The following PCDH7 variants were observed in gnomAD, a reference collection of about 807,000 sequenced individuals.
The protein encoded by PCDH7 is protocadherin 7.
PCDH7 carries 17 observed loss-of-function variants against 58.9 expected under a neutral mutation model. That is an observed-to-expected ratio of 0.29 (90% CI 0.20 to 0.43). The LOEUF is 0.43. Ranked by LOEUF, PCDH7 falls within the 20% of genes least tolerant of loss-of-function variation. The pLI is 1.00. For synonymous variants in PCDH7, 664 were observed against 616.4 expected, an observed-to-expected ratio of 1.08 and a Z score of -1.14; for missense variants, 1,274 against 1,441.0, an observed-to-expected ratio of 0.88 and a Z score of 1.88.
intron 1 of PCDH7, among the ~76,000 whole-genome samples, chr4:30,853,950 T>C (rs1359145330): frequency 6.6e-6 from 1 of 152,034 alleles, no homozygotes; most frequent in African/African-American, 2.4e-5. Context: ...GCAGCCCTGC[T>C]GTGTGGCAAT....
At position 31,012,384 on chromosome 4, in the gene PCDH7, A is replaced by T. The variant is rs187733424; in HGVS notation, c.*7+62169A>T. ...ACTACTAAATATAGAAGATGTCTCAATTTTCATTACAAACTGCCCCCTTCT... is the reference window on the plus strand; with the variant it reads ...ACTACTAAATATAGAAGATGTCTCATTTTTCATTACAAACTGCCCCCTTCT... On this transcript the variant is annotated intron_variant, in intron 3 of 3. Coordinates refer to the PCDH7 transcript ENST00000509759. Among the ~76,000 whole-genome samples the T allele has an allele frequency of 2.3e-3, 317 of 139,524 alleles. 49 individuals carry two copies. The South Asian group carries it at 0.048, about 21-fold the overall frequency. 91.5% of individuals were successfully genotyped at this position (139,524 alleles called of 152,430 possible).
At position 30,723,180 on chromosome 4, in the gene PCDH7, C is replaced by A. The variant is rs929671350; in HGVS notation, c.1758C>A (p.Pro586=). The stretch of plus-strand genomic sequence containing the variant: ...TGATGGGGATCTTTGCCATCGATCC[C>A]GATTCTGGGGACATCCTGGTCAATA... Residue 586 remains proline, a synonymous_variant, in exon 1 of 2, where the codon CCC becomes CCA. Coordinates refer to ENST00000361762, the Ensembl canonical transcript of PCDH7. This position sits in a 1 kb window ranked among gnomAD's most constrained non-coding sequence, Gnocchi z 4.6. 8 of 1,614,064 alleles carry A rather than the reference C, an allele frequency of 5.0e-6. No individual in the cohort carries two copies. Among genetic ancestry groups the A allele is most frequent in the Middle Eastern group, 1.6e-4 (1 of 6,062 alleles).
intron 1 of PCDH7, chr4:30,725,013 G>A (rs983650410): frequency 1.5e-5 from 15 of 1,010,478 alleles, no homozygotes; most frequent in Admixed American, 5.8e-5. Flanking sequence ...GTTACTACTG[G>A]TGTCTATGCA....
At chr4:30,745,749 A>G (rs1314539221) in intron 1 of PCDH7, among the ~76,000 whole-genome samples, 1 of 151,754 alleles carries the variant, frequency 6.6e-6, no homozygotes, top group Non-Finnish European at 1.5e-5. Context: ...ATCATCCAGG[A>G]TCAAATTACT....
intron 3 of PCDH7, among the ~76,000 whole-genome samples, chr4:31,128,022 T>C (rs1220739472): frequency 6.6e-6 from 1 of 151,466 alleles, no homozygotes; most frequent in Admixed American, 6.6e-5. Flanking sequence ...CATGTGTATA[T>C]ATATACATAT....
At chr4:31,064,754 A>C (rs1757948677) in intron 3 of PCDH7, among the ~76,000 whole-genome samples, 1 of 151,878 alleles carries the variant, frequency 6.6e-6, no homozygotes. Flanking sequence ...AATTTAGCTA[A>C]TTACCTCAGC....
At chr4:31,136,188 C>G (rs1399999577) in intron 3 of PCDH7, among the ~76,000 whole-genome samples, 1 of 152,130 alleles carries the variant, frequency 6.6e-6, no homozygotes, top group Non-Finnish European at 1.5e-5. Flanking sequence ...AAATCTCTAC[C>G]TCCTTAAATC....
Position 30,722,578 on chromosome 4 carries a change from A to C in PCDH7, c.1156A>C (p.Met386Leu). The C allele has an allele frequency of 2.5e-6, 4 of 1,612,890 alleles. No individual in the cohort carries two copies. The South Asian group carries it at 4.4e-5, about 18-fold the overall frequency. Residue 386 changes from methionine (M) to leucine (L), a missense_variant, in exon 1 of 2, where the codon ATG becomes CTG. Met to Leu is a conservative substitution (Grantham distance 15, BLOSUM62 2). This residue lies in a region of PCDH7 where 731 missense variants were observed against 881.9 expected (regional missense o/e 0.83). Transcript: ENST00000361762. This position sits in a 1 kb window ranked among gnomAD's most constrained non-coding sequence, Gnocchi z 7.6. Reference sequence around the variant, plus strand: ...GGTGAACCAGCTGCGCTTCACGGTCATGGCCCGCGACCGCGGGCAGCCCCC... The same window carrying C: ...GGTGAACCAGCTGCGCTTCACGGTCCTGGCCCGCGACCGCGGGCAGCCCCC...
chr4:31,110,151 T>G (rs1368413430), intron 3 of PCDH7, among the ~76,000 whole-genome samples: 1 of 152,240 alleles, frequency 6.6e-6, no homozygotes, highest in African/African-American at 2.4e-5. Flanking sequence ...ATACTATTTT[T>G]AGCCCAGTTT....
chr4:30,885,835 G>T (rs1269174095), intron 1 of PCDH7, among the ~76,000 whole-genome samples: 4 of 152,138 alleles, frequency 2.6e-5, no homozygotes, highest in Non-Finnish European at 5.9e-5. Flanking sequence ...ACAACTATCT[G>T]ATCTTTGACA....
intron 3 of PCDH7, among the ~76,000 whole-genome samples, chr4:31,055,586 T>A (rs942717935): frequency 2.0e-5 from 3 of 152,066 alleles, no homozygotes; most frequent in African/African-American, 7.2e-5. Flanking sequence ...TTTTTTTGTT[T>A]TTTTGTTTTT....
chr4:30,738,111 A>G lies in PCDH7; in HGVS notation c.70+13515A>G, dbSNP rs145833951. Among the ~76,000 whole-genome samples the G allele has an allele frequency of 4.7e-3, 714 of 152,280 alleles. 6 individuals carry two copies. Among genetic ancestry groups the G allele is most frequent in the African/African-American group, 0.016 (676 of 41,552 alleles). On this transcript the variant is annotated intron_variant, in intron 1 of 3. Coordinates refer to the PCDH7 transcript ENST00000509759. Reference sequence around the variant, plus strand: ...TTTATAAGAACACTGGTCCTATCAGATTAGAGCCCTAACTTTAGTACCCCA... The same window carrying G: ...TTTATAAGAACACTGGTCCTATCAGGTTAGAGCCCTAACTTTAGTACCCCA...
intron 3 of PCDH7, among the ~76,000 whole-genome samples, chr4:31,063,076 AATG>A (rs1312619064): frequency 3.3e-5 from 5 of 151,838 alleles, no homozygotes; most frequent in Non-Finnish European, 7.4e-5. Context: ...TGAAGTGTAA[AATG>A]ATGTTTTAAC....
intron 3 of PCDH7, among the ~76,000 whole-genome samples, chr4:31,084,971 C>T (rs997058963): frequency 6.6e-6 from 1 of 152,140 alleles, no homozygotes; most frequent in Admixed American, 6.5e-5. Flanking sequence ...AAGGGGTTCA[C>T]CTTGCCCGCT....
intron 1 of PCDH7, among the ~76,000 whole-genome samples, chr4:30,878,304 G>C (rs911613355): frequency 3.3e-5 from 5 of 152,112 alleles, no homozygotes; most frequent in African/African-American, 1.2e-4. Flanking sequence ...TTGGAAGCAT[G>C]ATCCGATTTT....
At chr4:31,108,369 TAAAAAAAAAAAAAAAAAAAAAAAAAAA>T (rs71190491) in intron 3 of PCDH7, among the ~76,000 whole-genome samples, 1 of 60,094 alleles carries the variant, frequency 1.7e-5, no homozygotes, top group East Asian at 5.1e-4. Flanking sequence ...CAGCATACAG[TAAAAAAAAAAAAAAAAAAAAAAAAAAA>T]AAAAAAAAAA....
rs975572035 is a variant in PCDH7 at position 31,020,244 on chromosome 4, T to C, written c.*7+70029T>C. Among the ~76,000 whole-genome samples the C allele has an allele frequency of 6.2e-4, 94 of 152,316 alleles. 1 individual carries two copies. The highest frequency in any genetic ancestry group is 2.2e-3 in the African/African-American group (92 of 41,578). On this transcript the variant is annotated intron_variant, in intron 3 of 3. Coordinates refer to the PCDH7 transcript ENST00000509759. ...ACAGGTCAGAATGAATGGAATCTCTTAGTGAGAATTCTATCATGCAGTGAC... is the reference window on the plus strand; with the variant it reads ...ACAGGTCAGAATGAATGGAATCTCTCAGTGAGAATTCTATCATGCAGTGAC...
At position 30,721,471 on chromosome 4, in the gene PCDH7, T is replaced by G. The variant is rs1713524858; in HGVS notation, c.49T>G (p.Cys17Gly). The G allele has an allele frequency of 6.3e-7, 1 of 1,578,814 alleles. No individual in the cohort carries two copies. Among genetic ancestry groups the G allele is most frequent in the Non-Finnish European group, 8.6e-7 (1 of 1,168,070 alleles). ...ATGGGCGCGCGGCTGGTGCTTGGGC[T>G]GCTGCCTCCTCCTGCCGCTCTCGCT... Residue 17 changes from cysteine (C) to glycine (G), a missense_variant, in exon 1 of 2, where the codon TGC (cysteine) becomes GGC (glycine). Physicochemically the swap from Cys to Gly is radical, Grantham distance 159. This residue lies in a region of PCDH7 where 212 missense variants were observed against 255.8 expected (regional missense o/e 0.83). Transcript: ENST00000361762. The surrounding 1 kb of genome is among the most constrained non-coding windows in gnomAD (Gnocchi z 6.7).
intron 3 of PCDH7, among the ~76,000 whole-genome samples, chr4:31,064,144 G>C (rs145848811): frequency 1.3e-5 from 2 of 152,050 alleles, no homozygotes; most frequent in African/African-American, 2.4e-5. Flanking sequence ...CTAGAATGCT[G>C]TTTTTAAAAA....
Sources: allele counts gnomAD v4.1 joint callset (sites outside exome capture counted in the v4.1 genomes callset), GRCh38; gene constraint gnomAD v4.1.1; regional missense constraint gnomAD v4.1.1; non-coding constraint Gnocchi (gnomAD v3.1); transcripts MANE v1.5; gene names NCBI Gene and HGNC (gene_info 2026-07-23, HGNC 2026-07-21).